The following DMXL1 variants were observed in gnomAD, a reference collection of about 807,000 sequenced individuals.
DMXL1 encodes dmX-like protein 1.
Under a neutral mutation model 319.2 loss-of-function variants are expected in DMXL1, and 99 were observed. The observed-to-expected ratio is 0.31, with a 90% CI of 0.26 to 0.37. The LOEUF (loss-of-function observed/expected upper bound fraction) is 0.37, where lower values mean the gene tolerates loss of function less well. Among genes scored for constraint, DMXL1 ranks in the 10% least tolerant of loss-of-function variants. The pLI, the probability that DMXL1 is intolerant of heterozygous loss-of-function variation, is 1.00. For synonymous variants in DMXL1, 1,385 were observed against 1,235.2 expected (o/e 1.12, Z -2.54); for missense variants, 3,745 against 3,595.6 (o/e 1.04, Z -1.06).
chr5:119,088,501 A>T (rs556466842), intron 1 of DMXL1, among the ~76,000 whole-genome samples: 349 of 152,216 alleles, frequency 2.3e-3, no homozygotes, highest in Non-Finnish European at 3.4e-3. Context: ...AAAAAGTATT[A>T]TTGGTAAGTA....
chr5:119,151,228 A>G (rs1476018929), intron 18 of DMXL1, among the ~76,000 whole-genome samples: 5 of 152,126 alleles, frequency 3.3e-5, no homozygotes. Context: ...CCCAGAGAGC[A>G]TTTAAAAAAA....
chr5:119,185,218 T>C (rs1160079283), intron 28 of DMXL1, among the ~76,000 whole-genome samples: 1 of 152,026 alleles, frequency 6.6e-6, no homozygotes, highest in East Asian at 1.9e-4. Flanking sequence ...CCTTCCCTTC[T>C]CCTTCTGCCC....
intron 28 of DMXL1, chr5:119,178,578 G>A (rs1433869036): frequency 4.1e-6 from 4 of 983,152 alleles, no homozygotes; most frequent in Non-Finnish European, 4.8e-6. Context: ...TTGGCAGGAA[G>A]GCACTTTGCT....
intron 42 of DMXL1, among the ~76,000 whole-genome samples, chr5:119,240,944 A>G (rs1022445275): frequency 1.2e-4 from 19 of 152,222 alleles, no homozygotes; most frequent in African/African-American, 4.6e-4. Flanking sequence ...AAGTATAGCA[A>G]GGTCCCAGGA....
chr5:119,185,236 C>A (rs369239319), intron 28 of DMXL1, among the ~76,000 whole-genome samples: 2 of 151,972 alleles, frequency 1.3e-5, no homozygotes, highest in Non-Finnish European at 2.9e-5. Context: ...CCCTTTCCCC[C>A]TATTTATCAA....
At chr5:119,090,979 C>G (rs1010339025) in intron 1 of DMXL1, among the ~76,000 whole-genome samples, 1 of 152,032 alleles carries the variant, frequency 6.6e-6, no homozygotes, top group Non-Finnish European at 1.5e-5. Context: ...AAATGTATTT[C>G]TCAGTTCCAA....
At chr5:119,158,182 G>A (rs1050092973) in intron 19 of DMXL1, among the ~76,000 whole-genome samples, 8 of 151,030 alleles carry the variant, frequency 5.3e-5, no homozygotes, top group East Asian at 3.9e-4. Flanking sequence ...GTGAGCCACC[G>A]GCCTGGCCGA....
chr5:119,210,516 A>T (rs1306414538), intron 34 of DMXL1, among the ~76,000 whole-genome samples: 1 of 152,130 alleles, frequency 6.6e-6, no homozygotes. Flanking sequence ...GTCAATTGTT[A>T]CAGCATTATT....
intron 4 of DMXL1, among the ~76,000 whole-genome samples, chr5:119,109,870 G>T (rs1012100604): frequency 6.6e-6 from 1 of 152,012 alleles, no homozygotes; most frequent in Non-Finnish European, 1.5e-5. Context: ...CATGAAAAAC[G>T]ACAATGTTTT....
chr5:119,233,230 T>G (rs1452302374), intron 38 of DMXL1, 110 bp from the exon 39 acceptor site: 1 of 1,097,460 alleles, frequency 9.1e-7, no homozygotes, highest in East Asian at 2.4e-5. Flanking sequence ...TAAATTTATA[T>G]AAGTTGATTT....
intron 27 of DMXL1, 67 bp downstream of exon 27, chr5:119,177,551 C>CTG (rs34139050): frequency 0.56 from 769,416 of 1,364,084 alleles, 224,560 homozygotes; most frequent in East Asian, 0.98. Context: ...AGTAGAAAGA[C>CTG]TTTTAGTTTT....
chr5:119,117,504 G>C (rs1459577649), intron 7 of DMXL1, among the ~76,000 whole-genome samples: 1 of 152,124 alleles, frequency 6.6e-6, no homozygotes, highest in Non-Finnish European at 1.5e-5. Flanking sequence ...AGAAAAAATG[G>C]AGGGAGATGG....
chr5:119,141,814 G>T (rs146370193), intron 13 of DMXL1, among the ~76,000 whole-genome samples: 113 of 152,004 alleles, frequency 7.4e-4, no homozygotes, highest in African/African-American at 2.6e-3. Flanking sequence ...CAAGGCAATC[G>T]TAAAAAAAAG....
chr5:119,150,521 GC>G (rs2150143748), intron 18 of DMXL1, 100 bp downstream of exon 18: 1 of 1,292,890 alleles, frequency 7.7e-7, no homozygotes, highest in East Asian at 2.6e-5. Context: ...AGGCACAGGG[GC>G]TTATGCCTGT....
chr5:119,099,845 T>G (rs890994109), intron 2 of DMXL1, among the ~76,000 whole-genome samples: 2 of 151,894 alleles, frequency 1.3e-5, no homozygotes, highest in Non-Finnish European at 2.9e-5. Context: ...ATAAAAATAA[T>G]AAGTAAATAG....
intron 32 of DMXL1, among the ~76,000 whole-genome samples, chr5:119,198,695 A>C (rs1298188272): frequency 6.6e-6 from 1 of 152,220 alleles, no homozygotes; most frequent in East Asian, 1.9e-4. Context: ...AGCAAAAAGA[A>C]CAAGGCATCA....
chr5:119,239,278 C>T (rs1788322609), intron 41 of DMXL1, among the ~76,000 whole-genome samples, 198 bp downstream of exon 41: 1 of 152,122 alleles, frequency 6.6e-6, no homozygotes, highest in Admixed American at 6.6e-5. Flanking sequence ...CATCTCCTGC[C>T]CCAGTATCTG....
chr5:119,095,845 T>G lies in DMXL1; in HGVS notation c.88-2134T>G, dbSNP rs548427533. Among the ~76,000 whole-genome samples the G allele has an allele frequency of 1.3e-4, 20 of 152,308 alleles. 1 individual carries two copies. In the South Asian group the frequency reaches 4.1e-3, roughly 32 times the overall value. ...AGAGGAGATCATCATGTGATTTTTT[T>G]GTTTGTTTGAGCCAGTTCTTTTCAC... On this transcript the variant is annotated intron_variant, in intron 1 of 43. Coordinates refer to ENST00000539542, the MANE Select transcript of DMXL1 (RefSeq NM_001290321.3).
chr5:119,158,855 T>G (rs990256599), intron 19 of DMXL1, among the ~76,000 whole-genome samples: 22 of 152,222 alleles, frequency 1.4e-4, no homozygotes, highest in African/African-American at 5.3e-4. Context: ...CAGTGGGTGA[T>G]CCTTTTATTG....
Sources: gnomAD v4.1 joint callset for allele counts (sites outside exome capture counted in the v4.1 genomes callset) on GRCh38, gnomAD v4.1.1 for gene constraint, MANE v1.5 for transcripts, NCBI Gene and HGNC (gene_info 2026-07-23, HGNC 2026-07-21) for gene names.